The following ROBO2 variants were observed in gnomAD, a reference collection of about 807,000 sequenced individuals.
ROBO2 encodes roundabout guidance receptor 2.
Under a neutral mutation model 160.8 loss-of-function variants are expected in ROBO2, and 53 were observed. That is an observed-to-expected ratio of 0.33 (90% CI 0.26 to 0.41). ROBO2 has a LOEUF of 0.41. Ranked by LOEUF, ROBO2 falls within the 10% of genes least tolerant of loss-of-function variation. ROBO2 has a pLI of 1.00. For synonymous variants in ROBO2, 664 were observed against 611.7 expected, an observed-to-expected ratio of 1.09 and a Z score of -1.26; for missense variants, 1,577 against 1,722.4, an observed-to-expected ratio of 0.92 and a Z score of 1.49.
At chr3:77,614,140 A>G (rs988194913) in intron 21 of ROBO2, among the ~76,000 whole-genome samples, 1 of 152,202 alleles carries the variant, frequency 6.6e-6, no homozygotes, top group Non-Finnish European at 1.5e-5. Context: ...AGAGAAGTAA[A>G]TCTTCTTATT....
chr3:76,670,350 A>G (rs2092220182), intron 2 of ROBO2, among the ~76,000 whole-genome samples: 1 of 150,366 alleles, frequency 6.7e-6, no homozygotes, highest in Admixed American at 6.6e-5. Flanking sequence ...AGTTTCTTTC[A>G]GGTGTGTTTC....
chr3:76,765,435 G>A (rs2061526040), intron 2 of ROBO2, among the ~76,000 whole-genome samples: 3 of 151,636 alleles, frequency 2.0e-5, no homozygotes, highest in African/African-American at 4.8e-5. Context: ...CTACTGTTGA[G>A]ATGTGGGGTT....
intron 6 of ROBO2, among the ~76,000 whole-genome samples, chr3:77,543,865 C>T (rs1230427022): frequency 6.6e-6 from 1 of 152,076 alleles, no homozygotes; most frequent in African/African-American, 2.4e-5. Flanking sequence ...AACTAATCAG[C>T]TAAATAGGTG....
intron 2 of ROBO2, among the ~76,000 whole-genome samples, chr3:77,424,228 A>T (rs1408495048): frequency 6.6e-6 from 1 of 152,172 alleles, no homozygotes; most frequent in Admixed American, 6.6e-5. Context: ...AAGAACTGGG[A>T]TTTAAAATGA....
chr3:76,346,921 T>C (rs1559800736), intron 2 of ROBO2, among the ~76,000 whole-genome samples: 1 of 152,126 alleles, frequency 6.6e-6, no homozygotes, highest in Non-Finnish European at 1.5e-5. Context: ...AGCATAATGA[T>C]ATACTCCCTA....
At chr3:77,616,499 C>T (rs1319418928) in intron 21 of ROBO2, among the ~76,000 whole-genome samples, 2 of 151,662 alleles carry the variant, frequency 1.3e-5, no homozygotes, top group African/African-American at 2.4e-5. Flanking sequence ...ATGATGATAC[C>T]GGAAGAGTAG....
chr3:76,450,325 A>G (rs2077411584), intron 2 of ROBO2, among the ~76,000 whole-genome samples: 2 of 152,338 alleles, frequency 1.3e-5, no homozygotes, highest in South Asian at 2.1e-4. Flanking sequence ...ATAAAGTTTT[A>G]TAGGTAATTG....
chr3:76,872,479 G>A (rs1486626617), intron 2 of ROBO2, among the ~76,000 whole-genome samples: 4 of 151,742 alleles, frequency 2.6e-5, no homozygotes, highest in Admixed American at 2.6e-4. Flanking sequence ...AAGCAGCTCT[G>A]TATATTAGAA....
chr3:76,435,205 T>A, intron 2 of ROBO2: 1 of 1,425,066 alleles, frequency 7.0e-7, no homozygotes, highest in Non-Finnish European at 9.9e-7. Context: ...GTTCAGGTAA[T>A]GGGTAAAGTG....
chr3:76,939,009 TGTTTCTCTG>T (rs754564422), intron 2 of ROBO2, among the ~76,000 whole-genome samples: 10 of 145,176 alleles, frequency 6.9e-5, no homozygotes, highest in Non-Finnish European at 1.5e-4. Flanking sequence ...AGCCCCACAC[TGTTTCTCTG>T]GTTTCTCTGA....
intron 1 of ROBO2, among the ~76,000 whole-genome samples, chr3:77,063,276 G>A (rs562765457): frequency 3.3e-5 from 5 of 152,240 alleles, no homozygotes; most frequent in African/African-American, 1.2e-4. Flanking sequence ...GAGTGTACGT[G>A]TCTGTTTTCT....
At chr3:77,641,575 A>G (rs1478028428) in intron 24 of ROBO2, among the ~76,000 whole-genome samples, 3 of 152,218 alleles carry the variant, frequency 2.0e-5, no homozygotes, top group Non-Finnish European at 4.4e-5. Context: ...AATATCTTCT[A>G]TTAATGAAAT....
At chr3:77,645,962 T>G in intron 25 of ROBO2, 92 bp from the exon 28 acceptor site, 1 of 846,548 alleles carries the variant, frequency 1.2e-6, no homozygotes, top group Non-Finnish European at 1.9e-6. Context: ...TTATTTTCAT[T>G]GATTATCTGT....
intron 2 of ROBO2, among the ~76,000 whole-genome samples, chr3:76,409,704 C>T (rs1193116437): frequency 6.6e-6 from 1 of 152,002 alleles, no homozygotes; most frequent in African/African-American, 2.4e-5. Context: ...GAGCATGTCA[C>T]AAAACTCTTT....
rs541433304 is a variant in ROBO2, at chr3:76,595,874, T to TA, written c.110-502139dup. Among the ~76,000 whole-genome samples, 34 of 152,122 alleles carry TA rather than the reference T, an allele frequency of 2.2e-4. 2 individuals carry two copies. In the South Asian group the frequency reaches 6.9e-3, roughly 31 times the overall value. Reference sequence around the variant, plus strand: ...ATCCACTTGAAATTCAGCCAGTCAGTACCAATCATGTCTTCAAACACCCGT... The same window carrying TA: ...ATCCACTTGAAATTCAGCCAGTCAGTAACCAATCATGTCTTCAAACACCCGT... On this transcript the variant is annotated intron_variant, in intron 2 of 26. Transcript: ENST00000487694.
chr3:77,364,266 A>G (rs911139381), intron 2 of ROBO2, among the ~76,000 whole-genome samples: 1 of 151,892 alleles, frequency 6.6e-6, no homozygotes, highest in Non-Finnish European at 1.5e-5. Context: ...TATATTCTCC[A>G]TGATTTTTAA....
In ROBO2 at chr3:76,683,509, G is replaced by A. The variant is rs183797445; in HGVS notation, c.110-414505G>A. 6.2e-3 allele frequency among the ~76,000 whole-genome samples: 922 copies of A among 149,464 alleles called. 7 individuals carry two copies. The highest frequency in any genetic ancestry group is 0.011 in the Non-Finnish European group (718 of 67,720). ...GGAAAACACATGCATGTGTCATCTG[G>A]TGTCTATCAAGCATTAGGTTACAAG... On this transcript the variant is annotated intron_variant, in intron 2 of 26. Transcript: ENST00000487694.
intron 2 of ROBO2, among the ~76,000 whole-genome samples, chr3:76,503,517 C>T (rs1379504823): frequency 6.6e-6 from 1 of 152,150 alleles, no homozygotes; most frequent in Non-Finnish European, 1.5e-5. Flanking sequence ...TTCATTGCAG[C>T]ATTATTCACA....
intron 23 of ROBO2, among the ~76,000 whole-genome samples, chr3:77,627,537 A>T (rs2095056324): frequency 6.6e-6 from 1 of 151,910 alleles, no homozygotes; most frequent in Admixed American, 6.6e-5. Flanking sequence ...TGCCCATTTT[A>T]GCCTCCCAGA....
Sources: gnomAD v4.1 joint callset for allele counts (sites outside exome capture counted in the v4.1 genomes callset) on GRCh38, gnomAD v4.1.1 for gene constraint, MANE v1.5 for transcripts, NCBI Gene and HGNC (gene_info 2026-07-23, HGNC 2026-07-21) for gene names.